The following CAPRIN1 variants were observed in gnomAD, a reference collection of about 807,000 sequenced individuals.
CAPRIN1 encodes the protein caprin-1.
CAPRIN1 carries 29 observed loss-of-function variants against 100.9 expected under a neutral mutation model. The ratio of observed to expected loss-of-function variants is 0.29; its 90% CI spans 0.21 to 0.39. The LOEUF (loss-of-function observed/expected upper bound fraction) is 0.39, where lower values mean the gene tolerates loss of function less well. CAPRIN1 is among the 10% of genes least tolerant of loss of function. The pLI, the probability that CAPRIN1 is intolerant of heterozygous loss-of-function variation, is 1.00. For missense variants in CAPRIN1, 795 were observed against 876.7 expected (o/e 0.91, Z 1.18); for synonymous variants, 338 against 307.5 (o/e 1.10, Z -1.04).
chr11:34,077,448 C>G (rs1002284805), intron 6 of CAPRIN1, among the ~76,000 whole-genome samples: 2 of 152,170 alleles, frequency 1.3e-5, no homozygotes, highest in African/African-American at 4.8e-5. Context: ...TTAAAATATG[C>G]TGATACTTGG....
intron 1 of CAPRIN1, 64 bp downstream of exon 1, chr11:34,051,935 A>G (rs1454175764): frequency 6.6e-6 from 1 of 150,948 alleles, no homozygotes; most frequent in Admixed American, 6.6e-5. Context: ...GGTGTCCTTT[A>G]TCTCCGGACC....
At chr11:34,088,312 A>G (rs145388972) in intron 11 of CAPRIN1, among the ~76,000 whole-genome samples, 1 of 152,236 alleles carries the variant, frequency 6.6e-6, no homozygotes, top group Non-Finnish European at 1.5e-5. Context: ...CGAAAAGTAC[A>G]TATTTTAAAT....
At chr11:34,083,166 T>TA in intron 9 of CAPRIN1, 125 bp downstream of exon 9, 1 of 660,422 alleles carries the variant, frequency 1.5e-6, no homozygotes, top group African/African-American at 1.8e-5. Flanking sequence ...ACAGACTCAT[T>TA]ACACCAGACT....
At chr11:34,091,362 C>A (rs1851261282) in intron 14 of CAPRIN1, among the ~76,000 whole-genome samples, 1 of 152,192 alleles carries the variant, frequency 6.6e-6, no homozygotes, top group Non-Finnish European at 1.5e-5. Flanking sequence ...TCTCAGCTCA[C>A]TGCAATATCC....
intron 17 of CAPRIN1, 91 bp from the exon 18 acceptor site, chr11:34,097,607 A>G: frequency 7.0e-7 from 1 of 1,429,912 alleles, no homozygotes. Context: ...AGATTAAGGA[A>G]GAATTCTGTA....
intron 2 of CAPRIN1, among the ~76,000 whole-genome samples, chr11:34,061,997 T>TA (rs1484263435): frequency 2.0e-5 from 3 of 149,450 alleles, no homozygotes; most frequent in Non-Finnish European, 3.0e-5. Context: ...AGTATATCCT[T>TA]ACCACCACTG....
At position 34,052,260 on chromosome 11, in the gene CAPRIN1, C is replaced by A. The variant is rs1359468440; in HGVS notation, c.1-161C>A. On this transcript the variant is annotated intron_variant, in intron 1 of 18. Coordinates refer to ENST00000341394, the MANE Select transcript of CAPRIN1 (RefSeq NM_005898.5). ...CTGGCGGGTCGCGCGCGCGCCCGCG[C>A]ACTCTTCCTGCCCTCGAGGCGCGCC... 3 of 532,914 alleles carry A rather than the reference C, an allele frequency of 5.6e-6. No individual in the cohort carries two copies. In the Admixed American group the frequency reaches 1.3e-4, roughly 23 times the overall value. The allele number at this position is 532,914 out of a possible 1,614,324, so 33.0% of individuals were successfully genotyped here.
intron 18 of CAPRIN1, chr11:34,099,048 TTGAA>T (rs956849017): frequency 3.2e-5 from 43 of 1,362,420 alleles, no homozygotes; most frequent in South Asian, 8.4e-5. Flanking sequence ...TAAATATTTG[TTGAA>T]TGAATGAATG....
intron 4 of CAPRIN1, among the ~76,000 whole-genome samples, chr11:34,073,310 A>G (rs1462032009): frequency 6.6e-6 from 1 of 152,212 alleles, no homozygotes; most frequent in African/African-American, 2.4e-5. Flanking sequence ...AACAGATCCA[A>G]TAGGATAGAA....
chr11:34,098,637 G>T (rs920638170), intron 18 of CAPRIN1: 8 of 985,362 alleles, frequency 8.1e-6, no homozygotes, highest in African/African-American at 1.7e-5. Context: ...AAAATTAATG[G>T]ATCACTTGGG....
At chr11:34,079,055 T>C (rs1233456957) in intron 6 of CAPRIN1, among the ~76,000 whole-genome samples, 2 of 152,226 alleles carry the variant, frequency 1.3e-5, no homozygotes, top group Middle Eastern at 3.2e-3. Flanking sequence ...GAATAAATAC[T>C]TTTGAATGAA....
At position 34,101,197 on chromosome 11, in the gene CAPRIN1, C is replaced by A. The variant is rs573087263; in HGVS notation, c.*1830C>A. 6.6e-6 allele frequency: 1 copy of A among 152,372 alleles called. No individual in the cohort carries two copies. Among genetic ancestry groups the A allele is most frequent in the East Asian group, 1.9e-4 (1 of 5,184 alleles). 9.4% of individuals were successfully genotyped at this position (152,372 alleles called of 1,614,324 possible). ...TGGTACATCATATTGGAAGGGTTAACCTGTTACTTTGGCAAATGAGTATTT... is the reference window on the plus strand; with the variant it reads ...TGGTACATCATATTGGAAGGGTTAAACTGTTACTTTGGCAAATGAGTATTT... On this transcript the variant is annotated 3_prime_UTR_variant, in exon 19 of 19. Transcript: ENST00000341394.
intron 7 of CAPRIN1, among the ~76,000 whole-genome samples, chr11:34,080,081 G>T (rs565017042): frequency 1.3e-5 from 2 of 151,868 alleles, no homozygotes; most frequent in Non-Finnish European, 2.9e-5. Flanking sequence ...CCGCCACCAC[G>T]CCCGGCTATT....
intron 12 of CAPRIN1, 32 bp downstream of exon 12, chr11:34,089,488 C>T (rs772517029): frequency 2.2e-6 from 3 of 1,350,458 alleles, no homozygotes; most frequent in African/African-American, 2.9e-5. Flanking sequence ...TCTTCAGGGC[C>T]AGGTTAGGTG....
chr11:34,077,022 ACTGCGCCCAG>A (rs1174263491), intron 6 of CAPRIN1, among the ~76,000 whole-genome samples: 1 of 152,258 alleles, frequency 6.6e-6, no homozygotes, highest in Non-Finnish European at 1.5e-5. Flanking sequence ...GGTGTGAGCC[ACTGCGCCCAG>A]CTAGTTTTCC....
chr11:34,056,241 A>G (rs1565080980), intron 2 of CAPRIN1, among the ~76,000 whole-genome samples: 1 of 152,176 alleles, frequency 6.6e-6, no homozygotes, highest in Non-Finnish European at 1.5e-5. Flanking sequence ...TGCTTTTTTT[A>G]TGGATTTTAA....
rs73501009 is a variant in CAPRIN1 at position 34,076,008 on chromosome 11, G to T, written c.367-228G>T. ...CAAACACATTGTTTCATCAGTAATA[G>T]TTCAGTAGTAAAATACCTTCTAGGG... On this transcript the variant is annotated intron_variant, in intron 4 of 18. Transcript: ENST00000341394. Among the ~76,000 whole-genome samples the T allele has an allele frequency of 0.1, 15,550 of 152,106 alleles. 862 individuals carry two copies. Among genetic ancestry groups the T allele is most frequent in the African/African-American group, 0.15 (6,266 of 41,496 alleles).
At chr11:34,097,925 AT>A in intron 18 of CAPRIN1, 164 bp downstream of exon 18, 1 of 1,372,212 alleles carries the variant, frequency 7.3e-7, no homozygotes, top group Non-Finnish European at 9.4e-7. Flanking sequence ...TTGGACCCAA[AT>A]TTTAATTTTT....
chr11:34,081,433 A>G (rs1851025564), intron 7 of CAPRIN1, among the ~76,000 whole-genome samples: 1 of 151,942 alleles, frequency 6.6e-6, no homozygotes, highest in Non-Finnish European at 1.5e-5. Flanking sequence ...TCCTGACCTC[A>G]GGTTATCCAC....
Sources: allele counts gnomAD v4.1 joint callset (sites outside exome capture counted in the v4.1 genomes callset), GRCh38; gene constraint gnomAD v4.1.1; transcripts MANE v1.5; gene names NCBI Gene and HGNC (gene_info 2026-07-23, HGNC 2026-07-21).